Variants in SAMD4A observed in about 807,000 individuals in gnomAD.
The protein encoded by SAMD4A is protein Smaug homolog 1.
In SAMD4A, 33 loss-of-function variants were observed where a neutral mutation model predicts 81.3. That is an observed-to-expected ratio of 0.41 (90% CI 0.31 to 0.54). SAMD4A has a LOEUF of 0.54. SAMD4A is among the 20% of genes least tolerant of loss of function. The probability of loss-of-function intolerance (pLI) is 0.37; values close to 1 mark genes in which losing one functional copy is unlikely to be tolerated. For synonymous variants in SAMD4A, 389 were observed against 382.1 expected (o/e 1.02, Z -0.21); for missense variants, 854 against 951.1 (o/e 0.90, Z 1.34).
intron 12 of SAMD4A, among the ~76,000 whole-genome samples, chr14:54,787,411 T>G (rs904184791): frequency 3.3e-5 from 5 of 152,096 alleles, no homozygotes; most frequent in Admixed American, 2.6e-4. Flanking sequence ...CTGGCAAGAG[T>G]TGCCAGCCTG....
intron 2 of SAMD4A, among the ~76,000 whole-genome samples, chr14:54,568,875 C>T (rs188283534): frequency 6.6e-6 from 1 of 151,662 alleles, no homozygotes; most frequent in African/African-American, 2.4e-5. Context: ...CTGAATAGAA[C>T]AGAATCGTTT....
chr14:54,592,522 CGA>C (rs2033806102), intron 2 of SAMD4A, among the ~76,000 whole-genome samples: 1 of 152,030 alleles, frequency 6.6e-6, no homozygotes, highest in Non-Finnish European at 1.5e-5. Context: ...TGCAGTGGTG[CGA>C]TCTCGGCTCA....
At chr14:54,653,992 A>G (rs569723772) in intron 2 of SAMD4A, among the ~76,000 whole-genome samples, 1 of 152,350 alleles carries the variant, frequency 6.6e-6, no homozygotes, top group Admixed American at 6.5e-5. Context: ...TTTTAGAGCA[A>G]CTGAGTCTTC....
chr14:54,778,953 T>C (rs1046911628), intron 11 of SAMD4A, among the ~76,000 whole-genome samples: 5 of 151,746 alleles, frequency 3.3e-5, no homozygotes, highest in Non-Finnish European at 7.4e-5. Context: ...TGCCAATCAT[T>C]GTCAAGGCCA....
At chr14:54,575,217 G>C (rs1017528903) in intron 2 of SAMD4A, among the ~76,000 whole-genome samples, 62 of 152,136 alleles carry the variant, frequency 4.1e-4, no homozygotes, top group African/African-American at 1.5e-3. Flanking sequence ...TCTGAGAAAA[G>C]ACATTGGTCG....
In SAMD4A at chr14:54,655,657, G is replaced by A. The variant is rs562207681; in HGVS notation, c.197-46405G>A. ...GGAGGCTGAGGCAGGAGAATCCCTT[G>A]AATCTGGGAGGTGGAGGTTGTGATG... On this transcript the variant is annotated intron_variant, in intron 2 of 12. Coordinates refer to ENST00000554335, the MANE Select transcript of SAMD4A (RefSeq NM_015589.6). 5.8e-4 allele frequency among the ~76,000 whole-genome samples: 89 copies of A among 152,292 alleles called. 1 individual carries two copies. Among genetic ancestry groups the A allele is most frequent in the African/African-American group, 2.1e-3 (86 of 41,562 alleles).
chr14:54,636,484 T>C (rs145402713), intron 2 of SAMD4A, among the ~76,000 whole-genome samples: 21 of 152,288 alleles, frequency 1.4e-4, no homozygotes, highest in African/African-American at 5.1e-4. Flanking sequence ...CTCTGACTTA[T>C]ACTTTAAAAA....
chr14:54,587,772 T>C (rs772799175), intron 2 of SAMD4A, among the ~76,000 whole-genome samples: 22 of 152,244 alleles, frequency 1.4e-4, no homozygotes, highest in Non-Finnish European at 2.9e-4. Flanking sequence ...TTTGATATGC[T>C]GTTGGATTTG....
chr14:54,590,910 A>T (rs2033756622), intron 2 of SAMD4A, among the ~76,000 whole-genome samples: 1 of 152,196 alleles, frequency 6.6e-6, no homozygotes, highest in Non-Finnish European at 1.5e-5. Flanking sequence ...CATAATACTG[A>T]AGCTTAGTTT....
intron 2 of SAMD4A, among the ~76,000 whole-genome samples, chr14:54,684,518 C>T (rs1454159413): frequency 1.3e-5 from 2 of 152,208 alleles, no homozygotes; most frequent in Non-Finnish European, 2.9e-5. Flanking sequence ...CTGCCCTGCA[C>T]ACCGTACCAT....
Position 54,786,763 on chromosome 14 carries a change from CTCTT to C in SAMD4A, c.2128+2145_2128+2148del, listed in dbSNP as rs551398842. Among the ~76,000 whole-genome samples the C allele has an allele frequency of 2.6e-5, 4 of 152,350 alleles. No individual in the cohort carries two copies. The East Asian group carries it at 7.7e-4, about 29-fold the overall frequency. On this transcript the variant is annotated intron_variant, in intron 12 of 12. Coordinates refer to ENST00000554335, the MANE Select transcript of SAMD4A (RefSeq NM_015589.6). ...TCATTAGCAGCAAGAATACCAAATG[CTCTT>C]TATTAAAGGAAGGTTTTCATTGAAA...
intron 2 of SAMD4A, among the ~76,000 whole-genome samples, chr14:54,570,770 T>C (rs757715785): frequency 6.6e-6 from 1 of 152,228 alleles, no homozygotes; most frequent in Non-Finnish European, 1.5e-5. Flanking sequence ...AAATGTTCAA[T>C]ATACTTTGGA....
intron 11 of SAMD4A, among the ~76,000 whole-genome samples, chr14:54,782,542 C>T (rs1461444636): frequency 6.6e-6 from 1 of 152,148 alleles, no homozygotes; most frequent in Admixed American, 6.5e-5. Context: ...GAGACTCCTG[C>T]CATTCTCTGT....
At chr14:54,693,852 T>C (rs2036513136) in intron 2 of SAMD4A, 1 of 152,118 alleles carries the variant, frequency 6.6e-6, no homozygotes, top group Admixed American at 6.5e-5. Flanking sequence ...GACCTGGGAA[T>C]AAGGGAGTGT....
intron 2 of SAMD4A, chr14:54,701,217 G>T (rs1335782477): frequency 6.6e-6 from 1 of 152,028 alleles, no homozygotes; most frequent in Non-Finnish European, 1.5e-5. Context: ...GCCTAAGTTG[G>T]TCTCTAACTC....
chr14:54,726,904 CTCA>C (rs1303093689), intron 3 of SAMD4A, among the ~76,000 whole-genome samples: 1 of 152,098 alleles, frequency 6.6e-6, no homozygotes, highest in Non-Finnish European at 1.5e-5. Flanking sequence ...TAGTCTATTA[CTCA>C]TTCAGGGTAA....
chr14:54,572,516 G>C (rs1212736577), intron 2 of SAMD4A, among the ~76,000 whole-genome samples: 1 of 152,220 alleles, frequency 6.6e-6, no homozygotes, highest in Non-Finnish European at 1.5e-5. Flanking sequence ...TGGCCACATG[G>C]TGGCATTATC....
chr14:54,636,153 A>G (rs1017095423), intron 2 of SAMD4A, among the ~76,000 whole-genome samples: 1 of 152,216 alleles, frequency 6.6e-6, no homozygotes, highest in African/African-American at 2.4e-5. Flanking sequence ...TGTGAGCCTC[A>G]GCTAGAAGGT....
intron 2 of SAMD4A, among the ~76,000 whole-genome samples, chr14:54,594,493 T>C (rs1000733611): frequency 4.6e-5 from 7 of 152,140 alleles, no homozygotes; most frequent in Non-Finnish European, 7.3e-5. Context: ...CTTTGAAGTA[T>C]ACAGACCACA....
Sources: gnomAD v4.1 joint callset for allele counts (sites outside exome capture counted in the v4.1 genomes callset) on GRCh38, gnomAD v4.1.1 for gene constraint, MANE v1.5 for transcripts, NCBI Gene and HGNC (gene_info 2026-07-23, HGNC 2026-07-21) for gene names.